SLC14A2: variants seen among roughly 807,000 people sequenced by gnomAD.
SLC14A2 encodes urea transporter 2.
SLC14A2 carries 91 observed loss-of-function variants against 104.6 expected under a neutral mutation model. The observed-to-expected ratio is 0.87, with a 90% CI of 0.73 to 1.04. The LOEUF (loss-of-function observed/expected upper bound fraction) is 1.04. SLC14A2 is among the 50% of genes least tolerant of loss of function. The pLI is 0.00. For synonymous variants in SLC14A2, 476 were observed against 466.4 expected, an observed-to-expected ratio of 1.02 and a Z score of -0.27; for missense variants, 1,189 against 1,156.0, an observed-to-expected ratio of 1.03 and a Z score of -0.41.
intron 2 of SLC14A2, among the ~76,000 whole-genome samples, chr18:45,595,225 AC>A (rs148991913): frequency 0.17 from 26,255 of 152,186 alleles, 2,312 homozygotes; most frequent in South Asian, 0.2. Flanking sequence ...GCTTAATGTT[AC>A]GCAAAAAGCA....
chr18:45,508,074 T>G (rs1019563424), intron 2 of SLC14A2, among the ~76,000 whole-genome samples: 1 of 152,204 alleles, frequency 6.6e-6, no homozygotes, highest in Non-Finnish European at 1.5e-5. Context: ...CTTAGAAACA[T>G]CATCATCCAA....
intron 2 of SLC14A2, among the ~76,000 whole-genome samples, chr18:45,562,911 C>T (rs2044219489): frequency 6.6e-6 from 1 of 152,352 alleles, no homozygotes; most frequent in African/African-American, 2.4e-5. Context: ...TTAAATCACA[C>T]TGTCTGACTT....
At chr18:45,181,324 A>G in the SLC14A2 span, 1 of 152,278 alleles carries the variant, frequency 6.6e-6, no homozygotes, top group South Asian at 2.1e-4. Flanking sequence ...ACCTGCTGAG[A>G]TATCGGGTGC....
chr18:45,311,779 A>G (rs1012124231), intron 1 of SLC14A2, among the ~76,000 whole-genome samples: 10 of 152,196 alleles, frequency 6.6e-5, no homozygotes, highest in African/African-American at 2.4e-4. Flanking sequence ...GGGTGTTGGA[A>G]CCAAAGTAGT....
chr18:45,337,202 G>A (rs1239640010), intron 1 of SLC14A2, among the ~76,000 whole-genome samples: 6 of 152,090 alleles, frequency 3.9e-5, no homozygotes, highest in African/African-American at 1.4e-4. Flanking sequence ...TTAGGATGGG[G>A]AATATGAAGG....
intron 1 of SLC14A2, among the ~76,000 whole-genome samples, chr18:45,276,422 T>A (rs2084703470): frequency 6.6e-6 from 1 of 152,066 alleles, no homozygotes; most frequent in African/African-American, 2.4e-5. Flanking sequence ...AATATCAGCT[T>A]TGAGAAGTGA....
intron 2 of SLC14A2, among the ~76,000 whole-genome samples, chr18:45,494,915 T>TACACACAC (rs58079608): frequency 0.088 from 13,086 of 148,632 alleles, 869 homozygotes; most frequent in African/African-American, 0.18. Context: ...CACACACACA[T>TACACACAC]ACACACACAC....
At chr18:45,188,689 G>T in the SLC14A2 span, among the ~76,000 whole-genome samples, 1 of 152,096 alleles carries the variant, frequency 6.6e-6, no homozygotes, top group Non-Finnish European at 1.5e-5. Context: ...CTGCAGTGAG[G>T]GTTTGCCTTG....
intron 1 of SLC14A2, among the ~76,000 whole-genome samples, chr18:45,258,056 T>C (rs1309364701): frequency 6.6e-6 from 1 of 152,190 alleles, no homozygotes; most frequent in Non-Finnish European, 1.5e-5. Context: ...TTCTTCATAT[T>C]TGGCATATCC....
At chr18:45,188,732 C>T in the SLC14A2 span, among the ~76,000 whole-genome samples, 1 of 152,130 alleles carries the variant, frequency 6.6e-6, no homozygotes, top group African/African-American at 2.4e-5. Flanking sequence ...CTTTCCTTGC[C>T]CAATCAATTC....
At chr18:45,342,052 T>C (rs1599689971) in intron 1 of SLC14A2, among the ~76,000 whole-genome samples, 1 of 152,202 alleles carries the variant, frequency 6.6e-6, no homozygotes, top group Non-Finnish European at 1.5e-5. Flanking sequence ...AACAGAGGCA[T>C]GCATAAGACA....
At chr18:45,609,360 A>G (rs1599060924) in intron 2 of SLC14A2, among the ~76,000 whole-genome samples, 1 of 109,764 alleles carries the variant, frequency 9.1e-6, no homozygotes, top group East Asian at 3.8e-4. Context: ...TGTGCCAATC[A>G]TAACTACATT....
chr18:45,587,660 A>G (rs371531485), intron 2 of SLC14A2, among the ~76,000 whole-genome samples: 2 of 152,114 alleles, frequency 1.3e-5, no homozygotes, highest in South Asian at 2.1e-4. Flanking sequence ...GCCAGAAGAG[A>G]TCTTGGAAGT....
chr18:45,186,790 C>A, the SLC14A2 span, among the ~76,000 whole-genome samples: 1 of 152,164 alleles, frequency 6.6e-6, no homozygotes, highest in Admixed American at 6.6e-5. Flanking sequence ...TGGGTGTAAC[C>A]TACTGTGAGA....
chr18:45,663,730 C>T, intron 10 of SLC14A2, 55 bp from the exon 11 acceptor site: 1 of 1,576,664 alleles, frequency 6.3e-7, no homozygotes, highest in Non-Finnish European at 8.6e-7. Flanking sequence ...CTGCTTGGCT[C>T]TCTCAGGTGC....
intron 2 of SLC14A2, among the ~76,000 whole-genome samples, chr18:45,575,293 C>T (rs2044404038): frequency 6.6e-6 from 1 of 152,108 alleles, no homozygotes; most frequent in Non-Finnish European, 1.5e-5. Context: ...CCCTCCATGC[C>T]CCTGTCTTTC....
rs367817941 is a variant in SLC14A2, at chr18:45,276,207, A to G, written c.-125+63016A>G. ...CTAGAGCCCTGTAGGTTGTGGTAAG[A>G]AAATATTTCACAGGCGGCATATTTC... On this transcript the variant is annotated intron_variant, in intron 1 of 20. Transcript: ENST00000586448. 5.8e-4 allele frequency among the ~76,000 whole-genome samples: 88 copies of G among 152,360 alleles called. No individual in the cohort carries two copies. In the South Asian group the frequency reaches 0.018, roughly 31 times the overall value.
intron 2 of SLC14A2, among the ~76,000 whole-genome samples, chr18:45,538,841 C>T (rs1425545981): frequency 6.8e-6 from 1 of 146,960 alleles, no homozygotes; most frequent in Non-Finnish European, 1.5e-5. Context: ...AGGTCCTTCT[C>T]CCCCTTCCCT....
chr18:45,582,810 C>A (rs905595495), intron 2 of SLC14A2, among the ~76,000 whole-genome samples: 6 of 152,238 alleles, frequency 3.9e-5, no homozygotes, highest in African/African-American at 9.6e-5. Flanking sequence ...ATGTGACATA[C>A]CCCTGGGAAT....
Sources: allele counts gnomAD v4.1 joint callset (sites outside exome capture counted in the v4.1 genomes callset), GRCh38; gene constraint gnomAD v4.1.1; transcripts MANE v1.5; gene names NCBI Gene and HGNC (gene_info 2026-07-23, HGNC 2026-07-21).